Variants in RBFOX1 observed in about 807,000 individuals in gnomAD.
RBFOX1 encodes RNA binding protein fox-1 homolog 1.
A neutral mutation model predicts 57.7 loss-of-function variants in RBFOX1; 8 were observed. That is an observed-to-expected ratio of 0.14 (90% confidence interval 0.08 to 0.25). RBFOX1 has a LOEUF of 0.25. Among genes scored for constraint, RBFOX1 ranks in the 10% least tolerant of loss-of-function variants. The probability of loss-of-function intolerance (pLI) is 1.00; values close to 1 mark genes in which losing one functional copy is unlikely to be tolerated. For synonymous variants in RBFOX1, 326 were observed against 222.4 expected (o/e 1.47, Z -4.15); for missense variants, 611 against 548.5 (o/e 1.11, Z -1.14).
chr16:5,729,282 T>C (rs2052269770), intron 3 of RBFOX1, among the ~76,000 whole-genome samples: 1 of 152,038 alleles, frequency 6.6e-6, no homozygotes, highest in Non-Finnish European at 1.5e-5. Context: ...AAATCAGAGC[T>C]GGAAGCAAAA....
intron 2 of RBFOX1, among the ~76,000 whole-genome samples, chr16:6,640,045 C>T (rs1189165640): frequency 6.6e-6 from 1 of 152,060 alleles, no homozygotes; most frequent in Non-Finnish European, 1.5e-5. Context: ...AATACAGAAA[C>T]TAAAGAACAG....
At chr16:5,600,515 C>T (rs1445796321), downstream of RBFOX1, among the ~76,000 whole-genome samples, 3 of 146,190 alleles carry the variant, frequency 2.1e-5, no homozygotes, top group Non-Finnish European at 4.5e-5. Flanking sequence ...AAAAAGTCTG[C>T]TTGGCCCTGG....
At chr16:5,285,785 G>A (rs544312872) in intron 1 of RBFOX1, among the ~76,000 whole-genome samples, 7 of 151,892 alleles carry the variant, frequency 4.6e-5, no homozygotes, top group East Asian at 3.9e-4. Flanking sequence ...TGTTGTTGTC[G>A]TTGCTGAGAT....
intron 4 of RBFOX1, among the ~76,000 whole-genome samples, chr16:7,137,817 C>G (rs2072467846): frequency 6.6e-6 from 1 of 152,198 alleles, no homozygotes; most frequent in Non-Finnish European, 1.5e-5. Context: ...TGTAGTTCAT[C>G]TGCAAATGTA....
intron 4 of RBFOX1, among the ~76,000 whole-genome samples, chr16:7,304,949 TG>T (rs1436195981): frequency 2.7e-5 from 4 of 150,342 alleles, no homozygotes; most frequent in African/African-American, 9.8e-5. Flanking sequence ...TGTGTGTGTG[TG>T]TGTGTGTGTT....
chr16:5,552,946 T>C (rs1424650076), intron 2 of RBFOX1, among the ~76,000 whole-genome samples: 1 of 152,010 alleles, frequency 6.6e-6, no homozygotes, highest in African/African-American at 2.4e-5. Flanking sequence ...TGGAATACTA[T>C]GCAGCCATAA....
intron 3 of RBFOX1, among the ~76,000 whole-genome samples, chr16:6,812,505 C>T (rs1003233228): frequency 6.6e-6 from 1 of 152,018 alleles, no homozygotes; most frequent in African/African-American, 2.4e-5. Flanking sequence ...TACTGAGTAG[C>T]TGGGATTACA....
chr16:7,410,300 C>T (rs575773244), intron 4 of RBFOX1, among the ~76,000 whole-genome samples: 1 of 152,322 alleles, frequency 6.6e-6, no homozygotes, highest in East Asian at 1.9e-4. Flanking sequence ...TTATTGCTCT[C>T]ACTTGACAAA....
intron 3 of RBFOX1, among the ~76,000 whole-genome samples, chr16:6,982,400 C>T (rs1208038368): frequency 2.0e-5 from 3 of 152,172 alleles, no homozygotes; most frequent in East Asian, 3.9e-4. Context: ...ATTCCAGAGT[C>T]AGGGCTCTGA....
intron 4 of RBFOX1, among the ~76,000 whole-genome samples, chr16:7,339,567 G>C (rs2096854274): frequency 6.6e-6 from 1 of 152,146 alleles, no homozygotes; most frequent in Admixed American, 6.6e-5. Flanking sequence ...AGCCTCCTGA[G>C]TATCTGGGAC....
At chr16:5,415,707 AAAAGT>A (rs2067142607) in intron 1 of RBFOX1, among the ~76,000 whole-genome samples, 1 of 152,228 alleles carries the variant, frequency 6.6e-6, no homozygotes, top group Non-Finnish European at 1.5e-5. Flanking sequence ...AACTTCCTCT[AAAAGT>A]AAATGTGTTT....
At position 6,808,042 on chromosome 16, in the gene RBFOX1, A is replaced by G. The variant is rs199974893; in HGVS notation, c.-16+153392A>G. On this transcript the variant is annotated intron_variant, in intron 3 of 15. Transcript: ENST00000550418. Reference sequence around the variant, plus strand: ...CAAATTATACCTTGTGTATATGTATATATACTATCCTATACAATAGAACTA... The same window carrying G: ...CAAATTATACCTTGTGTATATGTATGTATACTATCCTATACAATAGAACTA... Among the ~76,000 whole-genome samples, 4 of 150,774 alleles carry G rather than the reference A, an allele frequency of 2.7e-5. No homozygotes were observed. The East Asian group carries it at 5.9e-4, about 22-fold the overall frequency.
intron 4 of RBFOX1, among the ~76,000 whole-genome samples, chr16:7,280,234 A>T (rs770937375): frequency 2.0e-5 from 3 of 152,210 alleles, no homozygotes; most frequent in Non-Finnish European, 4.4e-5. Context: ...CTTCATTGCA[A>T]AATGAGCAAG....
At chr16:5,908,870 C>T (rs1323293268) in intron 4 of RBFOX1, among the ~76,000 whole-genome samples, 6 of 151,754 alleles carry the variant, frequency 4.0e-5, no homozygotes, top group Non-Finnish European at 7.4e-5. Flanking sequence ...GATTAGTGTC[C>T]TTATAGAAGA....
chr16:6,025,609 C>T (rs1174125478), intron 1 of RBFOX1, among the ~76,000 whole-genome samples: 1 of 152,172 alleles, frequency 6.6e-6, no homozygotes, highest in Non-Finnish European at 1.5e-5. Context: ...CACTCAGATG[C>T]CCTTTATTGA....
intron 4 of RBFOX1, among the ~76,000 whole-genome samples, chr16:5,882,526 C>G (rs1021144582): frequency 1.3e-5 from 2 of 152,146 alleles, no homozygotes; most frequent in Non-Finnish European, 2.9e-5. Flanking sequence ...TTGATGAACT[C>G]AGAGCTGCCT....
Position 6,309,136 on chromosome 16 carries a change from T to C in RBFOX1, c.-126-7859T>C, listed in dbSNP as rs1301073804. 3.9e-5 allele frequency among the ~76,000 whole-genome samples: 6 copies of C among 152,196 alleles called. 1 individual carries two copies. Among genetic ancestry groups the C allele is most frequent in the Admixed American group, 1.3e-4 (2 of 15,278 alleles). ...GTTTTGAATTCAATGGCCTGTCTTA[T>C]GTACTCGGTGGAGAAATAATATAAA... On this transcript the variant is annotated intron_variant, in intron 1 of 15. Transcript: ENST00000550418.
At chr16:7,710,140 C>G in intron 15 of RBFOX1, 1 of 1,021,200 alleles carries the variant, frequency 9.8e-7, no homozygotes. Context: ...TCCACAACTC[C>G]CTTCTCAAGA....
chr16:7,282,996 C>T (rs546698015), intron 4 of RBFOX1, among the ~76,000 whole-genome samples: 2 of 152,238 alleles, frequency 1.3e-5, no homozygotes, highest in South Asian at 4.1e-4. Context: ...CTTCAATGCA[C>T]TCATTGGTTT....
Sources: allele counts gnomAD v4.1 joint callset (sites outside exome capture counted in the v4.1 genomes callset), GRCh38; gene constraint gnomAD v4.1.1; transcripts MANE v1.5; gene names NCBI Gene and HGNC (gene_info 2026-07-23, HGNC 2026-07-21).